The following LRP1B variants were observed in gnomAD, a reference collection of about 807,000 sequenced individuals.
LRP1B encodes LDL receptor related protein 1B, also known as low-density lipoprotein receptor-related protein 1B.
Under a neutral mutation model 556.6 loss-of-function variants are expected in LRP1B, and 217 were observed. The observed-to-expected ratio is 0.39, with a 90% CI of 0.35 to 0.44. The LOEUF (loss-of-function observed/expected upper bound fraction) is 0.44, where lower values mean the gene tolerates loss of function less well. Among genes scored for constraint, LRP1B ranks in the 20% least tolerant of loss-of-function variants. The pLI is 1.00. For missense variants in LRP1B, 5,053 were observed against 5,620.8 expected (o/e 0.90, Z 3.23); for synonymous variants, 2,047 against 1,865.8 (o/e 1.10, Z -2.50).
At chr2:141,428,536 A>G (rs539767885) in intron 3 of LRP1B, among the ~76,000 whole-genome samples, 1 of 152,194 alleles carries the variant, frequency 6.6e-6, no homozygotes, top group East Asian at 1.9e-4. Context: ...CATCACATGT[A>G]TGGGACTTTT....
At chr2:140,973,437 G>A (rs1696497823) in intron 18 of LRP1B, among the ~76,000 whole-genome samples, 1 of 152,036 alleles carries the variant, frequency 6.6e-6, no homozygotes, top group Non-Finnish European at 1.5e-5. Flanking sequence ...GGGGTAGAGA[G>A]GACCTCACTC....
At position 140,700,344 on chromosome 2, in the gene LRP1B, T is replaced by C. The variant is rs763530312; in HGVS notation, c.6705A>G (p.Arg2235=). The change falls in exon 41 of 91, where the codon AGA becomes AGG. Residue 2235 remains arginine (R), a synonymous_variant. Transcript: ENST00000389484. ...IALAFDYNQR[R]KGTNRIFYSD... is the part of the protein sequence containing the mutation. ...TGTAAAAGATTCGGTTGGTACCTTT[T>C]CTTCTTTGATTATAGTCAAAAGCCA... is the stretch of plus-strand genomic sequence containing the variant. The C allele has an allele frequency of 2.5e-6, 4 of 1,613,110 alleles. No individual in the cohort carries two copies. Among genetic ancestry groups the C allele is most frequent in the Middle Eastern group, 1.6e-4 (1 of 6,070 alleles).
At chr2:140,522,962 AAAG>A (rs1321674811) in intron 49 of LRP1B, among the ~76,000 whole-genome samples, 1 of 152,034 alleles carries the variant, frequency 6.6e-6, no homozygotes, top group African/African-American at 2.4e-5. Context: ...CCAGATGTAC[AAAG>A]AAGAGCTGAT....
chr2:140,464,000 A>G (rs1388876165), intron 60 of LRP1B, among the ~76,000 whole-genome samples: 3 of 152,076 alleles, frequency 2.0e-5, no homozygotes, highest in Non-Finnish European at 4.4e-5. Context: ...GTTCGAGACC[A>G]GCCTGGCCAA....
At chr2:141,727,163 C>T (rs925691181) in intron 2 of LRP1B, among the ~76,000 whole-genome samples, 1 of 152,010 alleles carries the variant, frequency 6.6e-6, no homozygotes, top group Non-Finnish European at 1.5e-5. Context: ...AAAATCTTAG[C>T]TATTCTTTAG....
At position 140,926,056 on chromosome 2, in the gene LRP1B, C is replaced by CTTTTT. The variant is rs70991119; in HGVS notation, c.3137-2914_3137-2910dup. 3.6e-4 allele frequency among the ~76,000 whole-genome samples: 31 copies of CTTTTT among 86,008 alleles called. 1 individual carries two copies. Among genetic ancestry groups the CTTTTT allele is most frequent in the South Asian group, 1.6e-3 (4 of 2,488 alleles). 56.4% of individuals were successfully genotyped at this position (86,008 alleles called of 152,430 possible). A position where few individuals can be genotyped will look rare whatever the true frequency, so the allele number is the denominator to read the frequency against. On this transcript the variant is annotated intron_variant, in intron 20 of 90. Coordinates refer to ENST00000389484, the MANE Select transcript of LRP1B (RefSeq NM_018557.3). The stretch of plus-strand genomic sequence containing the variant: ...AATGTTATATTTACCTGGAGATTTT[C>CTTTTT]TTTTTTTTTTTTTTTTTCTTCTTAA...
At chr2:141,379,019 C>T (rs1431871584) in intron 3 of LRP1B, among the ~76,000 whole-genome samples, 1 of 152,076 alleles carries the variant, frequency 6.6e-6, no homozygotes, top group Non-Finnish European at 1.5e-5. Flanking sequence ...AGAAACCCAA[C>T]AAATCTCAAG....
At chr2:140,772,387 G>A (rs745779617) in intron 33 of LRP1B, among the ~76,000 whole-genome samples, 4 of 151,804 alleles carry the variant, frequency 2.6e-5, no homozygotes, top group Admixed American at 6.6e-5. Context: ...TTGGCTTATC[G>A]CAACCTCCGC....
chr2:140,294,561 G>A (rs1320022287), intron 84 of LRP1B, among the ~76,000 whole-genome samples: 1 of 152,180 alleles, frequency 6.6e-6, no homozygotes, highest in African/African-American at 2.4e-5. Context: ...AGCAAATGGT[G>A]TTTAAGCTGA....
At chr2:141,719,783 G>A (rs944154554) in intron 2 of LRP1B, among the ~76,000 whole-genome samples, 3 of 152,004 alleles carry the variant, frequency 2.0e-5, no homozygotes, top group African/African-American at 7.2e-5. Flanking sequence ...ACCAAATACT[G>A]CATATTTTCA....
chr2:141,867,663 A>G (rs1187742212), intron 1 of LRP1B, among the ~76,000 whole-genome samples: 8 of 152,176 alleles, frequency 5.3e-5, no homozygotes, highest in Non-Finnish European at 1.0e-4. Context: ...TAGTTATCTT[A>G]TGATATTATT....
intron 2 of LRP1B, among the ~76,000 whole-genome samples, chr2:141,576,221 A>G (rs1055655460): frequency 1.3e-5 from 2 of 152,252 alleles, no homozygotes; most frequent in African/African-American, 4.8e-5. Flanking sequence ...AATGTGGTAC[A>G]TATATGCCAT....
chr2:141,890,395 A>ATATATATAAATATGTATTGTG (rs1699256054), intron 1 of LRP1B, among the ~76,000 whole-genome samples: 21 of 122,542 alleles, frequency 1.7e-4, no homozygotes, highest in African/African-American at 9.3e-4. Flanking sequence ...TATATAGTGT[A>ATATATATAAATATGTATTGTG]TATATATATA....
rs543066801 is a variant in LRP1B at position 140,970,142 on chromosome 2, T to A, written c.2887+12018A>T. Among the ~76,000 whole-genome samples the A allele has an allele frequency of 7.1e-4, 108 of 152,326 alleles. 1 individual carries two copies. Among genetic ancestry groups the A allele is most frequent in the African/African-American group, 2.3e-3 (96 of 41,580 alleles). On this transcript the variant is annotated intron_variant, in intron 18 of 90. Transcript: ENST00000389484. Reference sequence around the variant, plus strand: ...TTTTCCAACCTGGTTCCATTCTCCCTGTCACTTTCAGGTACACCAGTCAGA... The same window carrying A: ...TTTTCCAACCTGGTTCCATTCTCCCAGTCACTTTCAGGTACACCAGTCAGA...
chr2:140,439,383 T>A (rs937066507), intron 66 of LRP1B, among the ~76,000 whole-genome samples: 1 of 152,142 alleles, frequency 6.6e-6, no homozygotes, highest in Non-Finnish European at 1.5e-5. Context: ...TGGTATAAAG[T>A]TTAAAAGAGC....
At chr2:140,922,780 T>G (rs950437809) in intron 21 of LRP1B, among the ~76,000 whole-genome samples, 185 bp downstream of exon 21, 9 of 152,106 alleles carry the variant, frequency 5.9e-5, no homozygotes, top group Non-Finnish European at 1.3e-4. Context: ...GCGGAGAACA[T>G]TCATAGAATT....
At chr2:142,112,390 A>T (rs1337730367) in intron 1 of LRP1B, among the ~76,000 whole-genome samples, 1 of 152,076 alleles carries the variant, frequency 6.6e-6, no homozygotes, top group African/African-American at 2.4e-5. Flanking sequence ...ACAACCAAAT[A>T]TAATGTGTGA....
intron 42 of LRP1B, 72 bp downstream of exon 42, chr2:140,601,378 A>C (rs1407171702): frequency 1.2e-5 from 14 of 1,204,352 alleles, no homozygotes; most frequent in Non-Finnish European, 1.5e-5. Flanking sequence ...GTTAATTCTT[A>C]AAATTAACAG....
At chr2:140,882,681 C>G (rs1693510575) in intron 25 of LRP1B, among the ~76,000 whole-genome samples, 1 of 152,190 alleles carries the variant, frequency 6.6e-6, no homozygotes, top group Non-Finnish European at 1.5e-5. Context: ...AAAAGAGACA[C>G]AAACATACTT....
Sources: gnomAD v4.1 joint callset for allele counts (sites outside exome capture counted in the v4.1 genomes callset) on GRCh38, gnomAD v4.1.1 for gene constraint, MANE v1.5 for transcripts, NCBI Gene and HGNC (gene_info 2026-07-23, HGNC 2026-07-21) for gene names.